The following GPC6 variants were observed in gnomAD, a reference collection of about 807,000 sequenced individuals.
The protein encoded by GPC6 is glypican 6.
A neutral mutation model predicts 55.2 loss-of-function variants in GPC6; 14 were observed. The ratio of observed to expected loss-of-function variants is 0.25; its 90% CI spans 0.17 to 0.40. The LOEUF is 0.40. Among genes scored for constraint, GPC6 ranks in the 10% least tolerant of loss-of-function variants. The pLI, the probability that GPC6 is intolerant of heterozygous loss-of-function variation, is 1.00. For synonymous variants in GPC6, 278 were observed against 259.6 expected (o/e 1.07, Z -0.68); for missense variants, 641 against 708.5 (o/e 0.90, Z 1.08).
chr13:94,103,238 A>T (rs1885932185), intron 4 of GPC6, among the ~76,000 whole-genome samples: 1 of 152,166 alleles, frequency 6.6e-6, no homozygotes, highest in Admixed American at 6.5e-5. Context: ...ATGGCTGCAT[A>T]GTATTCCATG....
chr13:94,138,522 T>C (rs1887263605), intron 4 of GPC6, among the ~76,000 whole-genome samples: 1 of 152,208 alleles, frequency 6.6e-6, no homozygotes, highest in Admixed American at 6.5e-5. Flanking sequence ...TGCTTTGTCT[T>C]CTTTGAGACA....
chr13:94,172,538 A>C (rs1176566618), intron 4 of GPC6, among the ~76,000 whole-genome samples: 1 of 152,204 alleles, frequency 6.6e-6, no homozygotes, highest in Non-Finnish European at 1.5e-5. Context: ...TGGTAAATAA[A>C]GTTTTCTTGA....
intron 4 of GPC6, among the ~76,000 whole-genome samples, chr13:94,207,252 C>T (rs921244982): frequency 2.6e-5 from 4 of 152,180 alleles, no homozygotes; most frequent in African/African-American, 9.7e-5. Context: ...CATTCACGTC[C>T]ATGTCTGCAT....
intron 2 of GPC6, among the ~76,000 whole-genome samples, chr13:93,611,698 T>G (rs566301706): frequency 6.6e-6 from 1 of 152,312 alleles, no homozygotes; most frequent in South Asian, 2.1e-4. Flanking sequence ...TTAAGAGGCT[T>G]TTTGTTGTTG....
chr13:93,452,794 T>C (rs1478687440), intron 1 of GPC6, among the ~76,000 whole-genome samples: 3 of 152,136 alleles, frequency 2.0e-5, no homozygotes, highest in African/African-American at 7.2e-5. Flanking sequence ...CTAATGATGG[T>C]TTCCTAATCC....
chr13:94,264,041 T>C (rs1040044868), intron 4 of GPC6, among the ~76,000 whole-genome samples: 15 of 152,172 alleles, frequency 9.9e-5, no homozygotes, highest in Non-Finnish European at 2.9e-5. Context: ...CCTCCATCAA[T>C]AGGCATTGAG....
At chr13:93,942,658 T>G (rs945852316) in intron 3 of GPC6, among the ~76,000 whole-genome samples, 1 of 152,104 alleles carries the variant, frequency 6.6e-6, no homozygotes, top group Non-Finnish European at 1.5e-5. Flanking sequence ...AAGTGGCATT[T>G]CATCACTGTT....
chr13:93,431,066 A>T (rs1877339033), intron 1 of GPC6, among the ~76,000 whole-genome samples: 1 of 152,178 alleles, frequency 6.6e-6, no homozygotes, highest in South Asian at 2.1e-4. Flanking sequence ...AAAATAAGAC[A>T]TAACAATCTT....
chr13:94,174,035 A>G (rs9589923), intron 4 of GPC6, among the ~76,000 whole-genome samples: 40,953 of 152,128 alleles, frequency 0.27, 7,583 homozygotes, highest in African/African-American at 0.51. Flanking sequence ...TTTGCTAATA[A>G]AAGAGGCTAC....
chr13:93,566,896 A>T (rs1279854462), intron 2 of GPC6, among the ~76,000 whole-genome samples: 2 of 152,116 alleles, frequency 1.3e-5, no homozygotes, highest in East Asian at 3.9e-4. Context: ...GCATGAACTC[A>T]TTCTTTTTTA....
At chr13:93,287,417 C>T (rs897604432) in intron 1 of GPC6, among the ~76,000 whole-genome samples, 1 of 152,160 alleles carries the variant, frequency 6.6e-6, no homozygotes, top group Non-Finnish European at 1.5e-5. Flanking sequence ...CGCAGGAGGC[C>T]TCCCCGCCTG....
At chr13:93,508,525 T>C (rs1007645362) in intron 1 of GPC6, among the ~76,000 whole-genome samples, 1 of 152,224 alleles carries the variant, frequency 6.6e-6, no homozygotes, top group African/African-American at 2.4e-5. Context: ...TGGATTTTAT[T>C]CTGAGAGAGC....
intron 2 of GPC6, among the ~76,000 whole-genome samples, chr13:93,774,022 C>G (rs1278210346): frequency 6.6e-6 from 1 of 152,176 alleles, no homozygotes; most frequent in African/African-American, 2.4e-5. Context: ...TGCCTCATGC[C>G]TCCAATGGAA....
At chr13:94,059,535 G>C (rs886653696) in intron 4 of GPC6, among the ~76,000 whole-genome samples, 2 of 151,984 alleles carry the variant, frequency 1.3e-5, no homozygotes, top group African/African-American at 4.8e-5. Flanking sequence ...CCATGAACAC[G>C]AACGTGTTCT....
intron 2 of GPC6, among the ~76,000 whole-genome samples, chr13:93,554,361 C>T (rs1293148969): frequency 6.6e-6 from 1 of 152,138 alleles, no homozygotes; most frequent in Non-Finnish European, 1.5e-5. Context: ...GGCTACTTAG[C>T]TTATGCTCCC....
chr13:93,972,068 G>C lies in GPC6; in HGVS notation c.712-55661G>C, dbSNP rs183977361. Among the ~76,000 whole-genome samples, 11 of 152,242 alleles carry C rather than the reference G, an allele frequency of 7.2e-5. No homozygotes were observed. The East Asian group carries it at 1.9e-3, about 27-fold the overall frequency. ...GACAGGATGTCTGGAGTCCAGCCTG[G>C]ACTGTAGAACCCTGGTCTTGGCCTA... On this transcript the variant is annotated intron_variant, in intron 3 of 8. Coordinates refer to ENST00000377047, the MANE Select transcript of GPC6 (RefSeq NM_005708.5).
chr13:93,993,803 G>T lies in GPC6; in HGVS notation c.712-33926G>T, dbSNP rs116616157. Among the ~76,000 whole-genome samples the T allele has an allele frequency of 2.5e-3, 378 of 152,202 alleles. 1 individual carries two copies. Among genetic ancestry groups the T allele is most frequent in the African/African-American group, 8.8e-3 (364 of 41,526 alleles). ...CTTAAATCCAATTTAGCCATTACAT[G>T]ATTACTATGGTTTTATGAGGGAAAA... On this transcript the variant is annotated intron_variant, in intron 3 of 8. Transcript: ENST00000377047.
intron 1 of GPC6, among the ~76,000 whole-genome samples, chr13:93,270,199 G>T (rs1365446654): frequency 1.3e-5 from 2 of 149,216 alleles, no homozygotes; most frequent in Non-Finnish European, 3.0e-5. Flanking sequence ...GCAGTGAGCT[G>T]TGATTATGTC....
At position 94,398,355 on chromosome 13, in the gene GPC6, A is replaced by G. The variant is rs1158737795; in HGVS notation, c.1290-111A>G. Reference sequence around the variant, plus strand: ...CCAGGAACTAGATCCAGTTTTTGCCAGGTGTCTTGGCTGACTGTCAGAGAC... The same window carrying G: ...CCAGGAACTAGATCCAGTTTTTGCCGGGTGTCTTGGCTGACTGTCAGAGAC... On this transcript the variant is annotated intron_variant, in intron 7 of 8. Coordinates refer to ENST00000377047, the MANE Select transcript of GPC6 (RefSeq NM_005708.5). 5.0e-6 allele frequency: 4 copies of G among 797,416 alleles called. No individual in the cohort carries two copies. In the African/African-American group the frequency reaches 5.1e-5, roughly 10 times the overall value. 49.4% of individuals were successfully genotyped at this position (797,416 alleles called of 1,614,324 possible).
Sources: allele counts gnomAD v4.1 joint callset (sites outside exome capture counted in the v4.1 genomes callset), GRCh38; gene constraint gnomAD v4.1.1; transcripts MANE v1.5; gene names NCBI Gene and HGNC (gene_info 2026-07-23, HGNC 2026-07-21).